MIPOL1: variants seen among roughly 807,000 people sequenced by gnomAD.
MIPOL1 encodes the protein mirror-image polydactyly gene 1 protein.
In MIPOL1, 57 loss-of-function variants were observed where a neutral mutation model predicts 60.9. That is an observed-to-expected ratio of 0.94 (90% CI 0.76 to 1.17). The LOEUF is 1.17. Ranked by LOEUF, MIPOL1 falls within the 50% of genes most tolerant of loss-of-function variation. The pLI is 0.00. For missense variants in MIPOL1, 551 were observed against 511.6 expected, an observed-to-expected ratio of 1.08 and a Z score of -0.74; for synonymous variants, 179 against 168.8, an observed-to-expected ratio of 1.06 and a Z score of -0.47.
intron 11 of MIPOL1, among the ~76,000 whole-genome samples, chr14:37,470,271 A>G (rs951891721): frequency 6.6e-6 from 1 of 152,104 alleles, no homozygotes; most frequent in Non-Finnish European, 1.5e-5. Flanking sequence ...AATACCTCAG[A>G]GTAAAAGGTC....
chr14:37,336,231 G>T (rs1595206879), intron 9 of MIPOL1, among the ~76,000 whole-genome samples: 1 of 150,748 alleles, frequency 6.6e-6, no homozygotes, highest in South Asian at 2.1e-4. Flanking sequence ...TATATGCACA[G>T]GTTTACTTTT....
chr14:37,309,941 G>A lies in MIPOL1; in HGVS notation c.828+1422G>A, dbSNP rs542669919. ...TGACCTCAAGTGATCCACCCACCTC[G>A]CCCTCCGAAAATGCTGGAATTACAG... On this transcript the variant is annotated intron_variant, in intron 9 of 12. Transcript: ENST00000684589. Among the ~76,000 whole-genome samples, 504 of 151,768 alleles carry A rather than the reference G, an allele frequency of 3.3e-3. 3 individuals carry two copies. Among genetic ancestry groups the A allele is most frequent in the African/African-American group, 0.012 (482 of 41,358 alleles).
At chr14:37,428,626 C>A (rs1236801745) in intron 11 of MIPOL1, among the ~76,000 whole-genome samples, 1 of 144,990 alleles carries the variant, frequency 6.9e-6, no homozygotes, top group East Asian at 2.0e-4. Flanking sequence ...TGATACTGGC[C>A]TTTTTTTTAA....
intron 9 of MIPOL1, among the ~76,000 whole-genome samples, chr14:37,335,029 T>G (rs2090000361): frequency 6.6e-6 from 1 of 152,086 alleles, no homozygotes; most frequent in Admixed American, 6.6e-5. Context: ...TAGTATATAC[T>G]TTGAAGTGGA....
chr14:37,445,195 A>G (rs1435554829), intron 11 of MIPOL1, among the ~76,000 whole-genome samples: 1 of 152,012 alleles, frequency 6.6e-6, no homozygotes, highest in Non-Finnish European at 1.5e-5. Context: ...TCAGCCCAAA[A>G]TCTCCTTAAG....
chr14:37,514,082 TACC>T (rs893270634), intron 12 of MIPOL1, among the ~76,000 whole-genome samples: 6 of 152,174 alleles, frequency 3.9e-5, no homozygotes, highest in African/African-American at 1.2e-4. Context: ...TAGGGAAAAA[TACC>T]ACATTTTTTA....
intron 12 of MIPOL1, among the ~76,000 whole-genome samples, chr14:37,529,645 C>G (rs1488089620): frequency 1.3e-5 from 2 of 151,992 alleles, no homozygotes; most frequent in African/African-American, 4.8e-5. Context: ...AATACGGCGA[C>G]AAGGAAGGCT....
At chr14:37,482,610 A>G (rs1005881339) in intron 11 of MIPOL1, among the ~76,000 whole-genome samples, 1 of 152,128 alleles carries the variant, frequency 6.6e-6, no homozygotes, top group Admixed American at 6.5e-5. Context: ...ACACTTATAA[A>G]ACCATGAGAT....
chr14:37,222,905 C>A (rs1969055355), intron 1 of MIPOL1, among the ~76,000 whole-genome samples: 1 of 152,128 alleles, frequency 6.6e-6, no homozygotes, highest in Non-Finnish European at 1.5e-5. Context: ...AGCCCTACTC[C>A]TTGGTATTGT....
intron 10 of MIPOL1, among the ~76,000 whole-genome samples, chr14:37,398,103 A>G (rs2093411814): frequency 6.6e-6 from 1 of 152,076 alleles, no homozygotes; most frequent in African/African-American, 2.4e-5. Flanking sequence ...GGTGCCAGGC[A>G]GGAATGGCCT....
intron 12 of MIPOL1, among the ~76,000 whole-genome samples, chr14:37,514,683 G>A (rs1265948996): frequency 6.6e-6 from 1 of 150,974 alleles, no homozygotes; most frequent in Non-Finnish European, 1.5e-5. Context: ...GTACAATGGC[G>A]CGATCTTGGC....
intron 10 of MIPOL1, among the ~76,000 whole-genome samples, chr14:37,378,307 T>G (rs2092830759): frequency 6.6e-6 from 1 of 152,034 alleles, no homozygotes; most frequent in South Asian, 2.1e-4. Context: ...GGTCAACAGA[T>G]GAATGTCCAC....
intron 11 of MIPOL1, among the ~76,000 whole-genome samples, chr14:37,460,321 A>C (rs1379793802): frequency 6.6e-6 from 1 of 152,146 alleles, no homozygotes; most frequent in Non-Finnish European, 1.5e-5. Context: ...ACATCTCTTC[A>C]TGATAAAAAC....
intron 11 of MIPOL1, among the ~76,000 whole-genome samples, chr14:37,449,954 A>G (rs1032151362): frequency 6.6e-6 from 1 of 152,116 alleles, no homozygotes; most frequent in Non-Finnish European, 1.5e-5. Flanking sequence ...CTGAGACTAC[A>G]GGTGTGCACC....
chr14:37,287,408 A>C (rs1461326129), intron 7 of MIPOL1, among the ~76,000 whole-genome samples: 1 of 151,880 alleles, frequency 6.6e-6, no homozygotes, highest in Non-Finnish European at 1.5e-5. Flanking sequence ...ACATGCCACC[A>C]TGCTTGGCTG....
chr14:37,361,246 T>C (rs2092216403), intron 9 of MIPOL1, among the ~76,000 whole-genome samples: 1 of 152,198 alleles, frequency 6.6e-6, no homozygotes, highest in Non-Finnish European at 1.5e-5. Flanking sequence ...AATTATGTCG[T>C]CAATTTTAGA....
chr14:37,481,177 T>C (rs2094857623), intron 11 of MIPOL1, among the ~76,000 whole-genome samples: 1 of 152,034 alleles, frequency 6.6e-6, no homozygotes. Flanking sequence ...AGTAAAGTTG[T>C]AGGATACAAA....
intron 7 of MIPOL1, among the ~76,000 whole-genome samples, chr14:37,291,857 C>G (rs2085085493): frequency 6.6e-6 from 1 of 151,214 alleles, no homozygotes; most frequent in Admixed American, 6.6e-5. Context: ...GCCTAGTGGC[C>G]TAATCACCTC....
intron 11 of MIPOL1, among the ~76,000 whole-genome samples, chr14:37,496,002 G>T: frequency 6.7e-6 from 1 of 150,198 alleles, no homozygotes; most frequent in Non-Finnish European, 1.5e-5. Flanking sequence ...AAATTTGTTT[G>T]AGTTCATTGT....
Sources: gnomAD v4.1 joint callset for allele counts (sites outside exome capture counted in the v4.1 genomes callset) on GRCh38, gnomAD v4.1.1 for gene constraint, MANE v1.5 for transcripts, NCBI Gene and HGNC (gene_info 2026-07-23, HGNC 2026-07-21) for gene names.